The following RAB35 variants were observed in gnomAD, a reference collection of about 807,000 sequenced individuals.
RAB35 encodes the protein RAB35, member RAS oncogene family.
RAB35 carries 4 observed loss-of-function variants against 28.9 expected under a neutral mutation model. The observed-to-expected ratio is 0.14, with a 90% confidence interval of 0.07 to 0.32. The LOEUF is 0.32. RAB35 is among the 10% of genes least tolerant of loss of function. The probability of loss-of-function intolerance (pLI) is 1.00; values close to 1 mark genes in which losing one functional copy is unlikely to be tolerated. For missense variants in RAB35, 128 were observed against 274.0 expected (o/e 0.47, Z 3.76); for synonymous variants, 99 against 105.1 (o/e 0.94, Z 0.35).
intron 5 of RAB35, among the ~76,000 whole-genome samples, chr12:120,098,136 G>A (rs987992537): frequency 1.4e-4 from 22 of 152,260 alleles, no homozygotes; most frequent in Admixed American, 2.6e-4. Context: ...CGCCCGCCTC[G>A]GCCTCCCAAA....
At chr12:120,110,980 T>C (rs899106944) in intron 1 of RAB35, among the ~76,000 whole-genome samples, 3 of 150,602 alleles carry the variant, frequency 2.0e-5, no homozygotes, top group Non-Finnish European at 4.5e-5. Flanking sequence ...CCGCCTCCTC[T>C]GCTTCCTCCT....
intron 1 of RAB35, among the ~76,000 whole-genome samples, chr12:120,114,372 C>A (rs143793306): frequency 0.047 from 7,208 of 152,350 alleles, 223 homozygotes; most frequent in Middle Eastern, 0.1. Flanking sequence ...GGATTACAGG[C>A]GTGAGCCACC....
At chr12:120,111,126 A>G (rs1327836125) in intron 1 of RAB35, among the ~76,000 whole-genome samples, 3 of 152,204 alleles carry the variant, frequency 2.0e-5, no homozygotes, top group Admixed American at 2.0e-4. Context: ...TGCCAACCAA[A>G]CACTGCTTAA....
chr12:120,099,324 G>T, intron 3 of RAB35, 170 bp from the exon 4 acceptor site: 3 of 850,286 alleles, frequency 3.5e-6, no homozygotes, highest in Non-Finnish European at 3.6e-6. Flanking sequence ...AGGCCAGCAG[G>T]AGAGGCTACT....
At chr12:120,112,895 T>TC (rs888949172) in intron 1 of RAB35, among the ~76,000 whole-genome samples, 10 of 151,428 alleles carry the variant, frequency 6.6e-5, no homozygotes, top group African/African-American at 2.2e-4. Context: ...CAACTGATTT[T>TC]TTTTTTTTTT....
At chr12:120,106,068 C>T (rs1875860034) in intron 2 of RAB35, among the ~76,000 whole-genome samples, 1 of 152,024 alleles carries the variant, frequency 6.6e-6, no homozygotes, top group South Asian at 2.1e-4. Context: ...ATGAGCGGTT[C>T]AGGGTGGGTA....
Position 120,103,976 on chromosome 12 carries a change from C to A in RAB35, c.104-27G>T. Reference sequence around the variant, plus strand: ...TGCACACACAGGGCAGTTAACGAGGCCCAGCGCGGTATCTTCCCAGGCCCT... The same window carrying A: ...TGCACACACAGGGCAGTTAACGAGGACCAGCGCGGTATCTTCCCAGGCCCT... On this transcript the variant is annotated intron_variant, in intron 2 of 5. Transcript: ENST00000229340. This position sits in a 1 kb window ranked among gnomAD's most constrained non-coding sequence, Gnocchi z 6.1. 1.2e-6 allele frequency: 2 copies of A among 1,611,886 alleles called. No individual in the cohort carries two copies. Among genetic ancestry groups the A allele is most frequent in the Non-Finnish European group, 1.7e-6 (2 of 1,178,938 alleles).
At chr12:120,113,784 C>G (rs952698491) in intron 1 of RAB35, among the ~76,000 whole-genome samples, 4 of 150,370 alleles carry the variant, frequency 2.7e-5, no homozygotes, top group African/African-American at 9.8e-5. Context: ...CGCCACTGCA[C>G]TCCAGCCTGG....
intron 3 of RAB35, among the ~76,000 whole-genome samples, chr12:120,102,136 C>G (rs1340522606): frequency 6.6e-6 from 1 of 152,192 alleles, no homozygotes; most frequent in Admixed American, 6.5e-5. Context: ...CCTGAGTGCC[C>G]CCAACCTCTG....
At chr12:120,112,179 C>T (rs1594246460) in intron 1 of RAB35, among the ~76,000 whole-genome samples, 1 of 152,056 alleles carries the variant, frequency 6.6e-6, no homozygotes, top group East Asian at 1.9e-4. Flanking sequence ...GGTTTCACCA[C>T]ATTGGCCAAG....
chr12:120,098,847 G>A lies in RAB35; in HGVS notation c.441C>T (p.Phe147=), dbSNP rs1314776743. 30 of 1,614,066 alleles carry A rather than the reference G, an allele frequency of 1.9e-5. No homozygotes were observed. The highest frequency in any genetic ancestry group is 2.7e-5 in the African/African-American group (2 of 74,926). The change falls in exon 5 of 6, where the codon TTC becomes TTT. Residue 147 remains phenylalanine (F), a synonymous_variant. Coordinates refer to ENST00000229340, the MANE Select transcript of RAB35 (RefSeq NM_006861.7). ...KFAGQMGIQL[F]ETSAKENVNV... ...TGACATTCTCCTTGGCGCTGGTCTC[G>A]AACAACTGGATGCCCATCTGCCCGG...
chr12:120,103,087 C>T lies in RAB35; in HGVS notation c.227+739G>A, dbSNP rs553796654. On this transcript the variant is annotated intron_variant, in intron 3 of 5. Coordinates refer to ENST00000229340, the MANE Select transcript of RAB35 (RefSeq NM_006861.7). The surrounding 1 kb of genome is among the most constrained non-coding windows in gnomAD (Gnocchi z 6.1). ...TCCCAGAGGCAGGCCCTCCAGGAAACGAGCGCAGAGAGCTTCGGCAACTTG... is the reference window on the plus strand; with the variant it reads ...TCCCAGAGGCAGGCCCTCCAGGAAATGAGCGCAGAGAGCTTCGGCAACTTG... 8.5e-5 allele frequency among the ~76,000 whole-genome samples: 13 copies of T among 152,334 alleles called. No homozygotes were observed. Among genetic ancestry groups the T allele is most frequent in the South Asian group, 8.3e-4 (4 of 4,826 alleles).
Position 120,110,289 on chromosome 12 carries a change from C to CTTTTTTTTTTTTTT in RAB35, c.53-1823_53-1822insAAAAAAAAAAAAAA, listed in dbSNP as rs1430969524. Among the ~76,000 whole-genome samples, 2 of 24,966 alleles carry CTTTTTTTTTTTTTT rather than the reference C, an allele frequency of 8.0e-5. 1 individual carries two copies. The highest frequency in any genetic ancestry group is 7.1e-3 in the South Asian group (2 of 282). The allele number at this position is 24,966 out of a possible 152,430, so 16.4% of individuals were successfully genotyped here. A position where few individuals can be genotyped will look rare whatever the true frequency, so the allele number is the denominator to read the frequency against. On this transcript the variant is annotated intron_variant, in intron 1 of 5. Coordinates refer to ENST00000229340, the MANE Select transcript of RAB35 (RefSeq NM_006861.7). The stretch of plus-strand genomic sequence containing the variant: ...GTCTGTTCATGGGAGAAGCCCACAG[C>CTTTTTTTTTTTTTT]ATTTTTTTTTTTTTTGGAGAGATAG...
chr12:120,101,739 G>C (rs924325800), intron 3 of RAB35, among the ~76,000 whole-genome samples: 2 of 152,174 alleles, frequency 1.3e-5, no homozygotes, highest in African/African-American at 4.8e-5. Flanking sequence ...CCAGACACGT[G>C]GGACGGCAGC....
chr12:120,116,750 G>A lies in RAB35; in HGVS notation c.-100C>T, dbSNP rs1876360811. The A allele has an allele frequency of 1.7e-6, 2 of 1,185,450 alleles. No homozygotes were observed. Among genetic ancestry groups the A allele is most frequent in the South Asian group, 4.2e-5 (1 of 23,874 alleles). 73.4% of individuals were successfully genotyped at this position (1,185,450 alleles called of 1,614,324 possible). On this transcript the variant is annotated 5_prime_UTR_variant, in exon 1 of 6. Transcript: ENST00000229340. ...TCCGGCAGCGGCGGATCCACTTCCC[G>A]AACAAACAGCCGGAACTGACAGAAA...
chr12:120,111,848 C>A (rs930457744), intron 1 of RAB35, among the ~76,000 whole-genome samples: 14 of 152,166 alleles, frequency 9.2e-5, no homozygotes, highest in African/African-American at 2.9e-4. Flanking sequence ...TCCTCGGAAA[C>A]ACAAGCTGCA....
At chr12:120,104,658 G>C (rs11065020) in intron 2 of RAB35, among the ~76,000 whole-genome samples, 22 of 152,156 alleles carry the variant, frequency 1.4e-4, no homozygotes, top group East Asian at 3.9e-4. Context: ...TTTTTGGTGG[G>C]GGGGGGACAG....
chr12:120,097,366 T>C lies in RAB35; in HGVS notation c.485A>G (p.Asn162Ser), dbSNP rs761499454. The C allele has an allele frequency of 6.8e-6, 11 of 1,611,562 alleles. No homozygotes were observed. The highest frequency in any genetic ancestry group is 2.2e-5 in the East Asian group (1 of 44,880). Residue 162 changes from asparagine to serine, a missense_variant, in exon 6 of 6, where the codon AAC becomes AGC. Transcript: ENST00000229340. Reference sequence around the variant, plus strand: ...TCGGAGGACCAGCTCCGTGATGCAGTTGAACATCTGTGGAGAGGAAAGAGG... The same window carrying C: ...TCGGAGGACCAGCTCCGTGATGCAGCTGAACATCTGTGGAGAGGAAAGAGG... ...KENVNVEEMF[N>S]CITELVLRAK...
At position 120,096,503 on chromosome 12, in the gene RAB35, G is replaced by A. The variant is rs1566280030; in HGVS notation, c.*742C>T. 5 of 1,289,792 alleles carry A rather than the reference G, an allele frequency of 3.9e-6. No individual in the cohort carries two copies. Among genetic ancestry groups the A allele is most frequent in the South Asian group, 1.2e-5 (1 of 81,034 alleles). 79.9% of individuals were successfully genotyped at this position (1,289,792 alleles called of 1,614,324 possible). On this transcript the variant is annotated 3_prime_UTR_variant, in exon 6 of 6. Coordinates refer to ENST00000229340, the MANE Select transcript of RAB35 (RefSeq NM_006861.7). ...TCTGTTGGAACTGAAACCTGTTGGT[G>A]TAAATGAGAAGCCATGGCTGCCCTG...
Sources: allele counts gnomAD v4.1 joint callset (sites outside exome capture counted in the v4.1 genomes callset), GRCh38; gene constraint gnomAD v4.1.1; non-coding constraint Gnocchi (gnomAD v3.1); transcripts MANE v1.5; gene names NCBI Gene and HGNC (gene_info 2026-07-23, HGNC 2026-07-21).